ANO6: variants seen among roughly 807,000 people sequenced by gnomAD.
ANO6 encodes the protein anoctamin-6.
In ANO6, 106 loss-of-function variants were observed where a neutral mutation model predicts 117.5. The ratio of observed to expected loss-of-function variants is 0.90; its 90% CI spans 0.77 to 1.06. The LOEUF is 1.06. ANO6 is among the 50% of genes least tolerant of loss of function. ANO6 has a pLI of 0.00. For synonymous variants in ANO6, 367 were observed against 385.1 expected (o/e 0.95, Z 0.55); for missense variants, 955 against 1,121.1 (o/e 0.85, Z 2.12).
At chr12:45,295,808 A>G (rs1052271490) in intron 1 of ANO6, among the ~76,000 whole-genome samples, 3 of 151,710 alleles carry the variant, frequency 2.0e-5, no homozygotes, top group Non-Finnish European at 4.4e-5. Context: ...TGATCCGTCC[A>G]CCTGGCCTCC....
intron 1 of ANO6, among the ~76,000 whole-genome samples, chr12:45,230,523 T>A (rs1947559062): frequency 6.6e-6 from 1 of 151,136 alleles, no homozygotes; most frequent in South Asian, 2.1e-4. Context: ...GCATGGTCAT[T>A]GTAAAACAAC....
At chr12:45,301,344 C>T (rs1202210674) in intron 1 of ANO6, among the ~76,000 whole-genome samples, 1 of 151,746 alleles carries the variant, frequency 6.6e-6, no homozygotes, top group African/African-American at 2.4e-5. Context: ...GTAATCTCAG[C>T]ACGTTGGGAG....
At chr12:45,218,390 C>CTTTTTTTTTTTTTTTTTT (rs76855973) in intron 1 of ANO6, among the ~76,000 whole-genome samples, 3 of 110,134 alleles carry the variant, frequency 2.7e-5, no homozygotes, top group African/African-American at 1.1e-4. Flanking sequence ...CTTTCTTTCT[C>CTTTTTTTTTTTTTTTTTT]TTTTTTTTTT....
chr12:45,347,005 C>G lies in ANO6; in HGVS notation c.280-17C>G. ...GTAAACTAAAGGTCTAACATATATTCCAACTTCTTTTGACAGAGGAAAAGA... is the reference window on the plus strand; with the variant it reads ...GTAAACTAAAGGTCTAACATATATTGCAACTTCTTTTGACAGAGGAAAAGA... On this transcript the variant is annotated splice_polypyrimidine_tract_variant and intron_variant, in intron 3 of 19. Coordinates refer to ENST00000320560, the MANE Select transcript of ANO6 (RefSeq NM_001025356.3). 1 of 1,613,510 alleles carries G rather than the reference C, an allele frequency of 6.2e-7. No homozygotes were observed. The highest frequency in any genetic ancestry group is 8.5e-7 in the Non-Finnish European group (1 of 1,179,574).
intron 10 of ANO6, among the ~76,000 whole-genome samples, chr12:45,378,516 A>G (rs1177024069): frequency 2.0e-5 from 3 of 152,084 alleles, no homozygotes; most frequent in African/African-American, 7.2e-5. Context: ...ATCTTCAAGT[A>G]GGCTAGCCCA....
intron 4 of ANO6, 115 bp downstream of exon 4, chr12:45,347,202 T>G: frequency 1.0e-6 from 1 of 968,270 alleles, no homozygotes; most frequent in East Asian, 2.5e-5. Flanking sequence ...ATCTTAGTCA[T>G]AGACTGGGAG....
At chr12:45,375,255 A>G (rs981797308) in intron 9 of ANO6, among the ~76,000 whole-genome samples, 6 of 152,228 alleles carry the variant, frequency 3.9e-5, no homozygotes, top group Non-Finnish European at 5.9e-5. Flanking sequence ...GGAAGAATCA[A>G]TATCGTGAAA....
At chr12:45,244,256 T>C (rs1402671336) in intron 1 of ANO6, among the ~76,000 whole-genome samples, 1 of 151,906 alleles carries the variant, frequency 6.6e-6, no homozygotes, top group Non-Finnish European at 1.5e-5. Flanking sequence ...TATAGGAGAG[T>C]ATCTGTTAGG....
At chr12:45,435,725 T>C (rs1592063238), downstream of ANO6, among the ~76,000 whole-genome samples, 1 of 142,292 alleles carries the variant, frequency 7.0e-6, no homozygotes, top group Non-Finnish European at 1.5e-5. Flanking sequence ...AAAAAAAAAA[T>C]GAAGGCAAGG....
chr12:45,439,619 C>T, intron 19 of ANO6: 2 of 1,321,276 alleles, frequency 1.5e-6, no homozygotes, highest in South Asian at 2.3e-5. Flanking sequence ...ACAATAATTA[C>T]CAGAGTATTC....
chr12:45,306,652 C>T (rs1300741250), intron 2 of ANO6, among the ~76,000 whole-genome samples: 1 of 151,768 alleles, frequency 6.6e-6, no homozygotes, highest in Non-Finnish European at 1.5e-5. Flanking sequence ...ACATGTGATC[C>T]CAAGGAAGAG....
chr12:45,244,409 G>A (rs560309511), intron 1 of ANO6, among the ~76,000 whole-genome samples: 20 of 149,600 alleles, frequency 1.3e-4, no homozygotes, highest in East Asian at 8.1e-4. Context: ...TATTTGGGGG[G>A]GGGGGGTGGT....
chr12:45,225,650 G>A (rs575685619), intron 1 of ANO6, among the ~76,000 whole-genome samples: 8 of 152,060 alleles, frequency 5.3e-5, no homozygotes, highest in East Asian at 3.9e-4. Flanking sequence ...CACCACGCCC[G>A]GCTAATTTTT....
rs544059073 is a variant in ANO6, at chr12:45,403,610, TACATA to T, written c.1880+75_1880+79del. 7.1e-3 allele frequency: 8,783 copies of T among 1,236,268 alleles called. 460 individuals carry two copies. The African/African-American group carries it at 0.12, about 16-fold the overall frequency. The allele number at this position is 1,236,268 out of a possible 1,614,324, so 76.6% of individuals were successfully genotyped here. On this transcript the variant is annotated intron_variant, in intron 15 of 19. Coordinates refer to ENST00000320560, the MANE Select transcript of ANO6 (RefSeq NM_001025356.3). ...AGCCCATCCACACAAATCATTTGCC[TACATA>T]GCCACATAGCCACATAGCTGCATGT...
At chr12:45,433,075 C>A (rs538030662), downstream of ANO6, among the ~76,000 whole-genome samples, 47 of 152,326 alleles carry the variant, frequency 3.1e-4, no homozygotes, top group African/African-American at 1.0e-3. Context: ...GAATAACTGA[C>A]AGCTTCCCTA....
At chr12:45,310,334 A>G (rs1592947480) in intron 2 of ANO6, among the ~76,000 whole-genome samples, 1 of 152,244 alleles carries the variant, frequency 6.6e-6, no homozygotes, top group Non-Finnish European at 1.5e-5. Flanking sequence ...TTCTGTACTA[A>G]TAGTCCTCTT....
intron 1 of ANO6, chr12:45,292,900 C>G (rs777495706): frequency 1.5e-5 from 24 of 1,551,190 alleles, no homozygotes; most frequent in Non-Finnish European, 2.1e-5. Flanking sequence ...GTCCATTCCC[C>G]CTTTTGTTCT....
At chr12:45,324,735 C>T (rs1940404008) in intron 2 of ANO6, among the ~76,000 whole-genome samples, 1 of 152,186 alleles carries the variant, frequency 6.6e-6, no homozygotes, top group Admixed American at 6.5e-5. Context: ...TTAAGGGAAG[C>T]TGCAGAAGAA....
At chr12:45,423,832 C>T (rs2137712126) in intron 19 of ANO6, among the ~76,000 whole-genome samples, 1 of 152,264 alleles carries the variant, frequency 6.6e-6, no homozygotes, top group African/African-American at 2.4e-5. Flanking sequence ...TCCTTTTTGT[C>T]AGGAAAGAAT....
Sources: gnomAD v4.1 joint callset for allele counts (sites outside exome capture counted in the v4.1 genomes callset) on GRCh38, gnomAD v4.1.1 for gene constraint, MANE v1.5 for transcripts, NCBI Gene and HGNC (gene_info 2026-07-23, HGNC 2026-07-21) for gene names.